The following DNM1L variants were observed in gnomAD, a reference collection of about 807,000 sequenced individuals.
DNM1L encodes the protein dynamin 1L, also known as dynamin-1-like protein.
In DNM1L, 33 loss-of-function variants were observed where a neutral mutation model predicts 92.8. That is an observed-to-expected ratio of 0.36 (90% CI 0.27 to 0.48). The LOEUF (loss-of-function observed/expected upper bound fraction) is 0.48, where lower values mean the gene tolerates loss of function less well. Ranked by LOEUF, DNM1L falls within the 20% of genes least tolerant of loss-of-function variation. The pLI is 0.99. For missense variants in DNM1L, 485 were observed against 888.8 expected, an observed-to-expected ratio of 0.55 and a Z score of 5.78; for synonymous variants, 284 against 305.0, an observed-to-expected ratio of 0.93 and a Z score of 0.72.
At position 32,738,309 on chromosome 12, in the gene DNM1L, C is replaced by T; in HGVS notation, c.1707+13C>T. The T allele has an allele frequency of 6.2e-7, 1 of 1,613,480 alleles. No homozygotes were observed. Among genetic ancestry groups the T allele is most frequent in the Admixed American group, 1.7e-5 (1 of 60,018 alleles). On this transcript the variant is annotated intron_variant, in intron 16 of 19. Transcript: ENST00000549701. ...AGAAACTAAAAATGTGAGTCTCTTG[C>T]TTCAGAATGGAAATGTTGGTACCTT...
rs80223946 is a variant in DNM1L, at chr12:32,694,373, C to T, written c.103-7042C>T. Among the ~76,000 whole-genome samples the T allele has an allele frequency of 5.7e-3, 874 of 152,296 alleles. 7 individuals are homozygous for T. The highest frequency in any genetic ancestry group is 0.019 in the African/African-American group (782 of 41,560). The stretch of plus-strand genomic sequence containing the variant: ...TGCTGGGATTACAGGCGTGAGCCAC[C>T]GCGCCCGGCCATATTTTGGACATTT... On this transcript the variant is annotated intron_variant, in intron 1 of 19. Coordinates refer to ENST00000549701, the MANE Select transcript of DNM1L (RefSeq NM_012062.5).
chr12:32,726,191 A>C (rs981650793), intron 9 of DNM1L, among the ~76,000 whole-genome samples: 1 of 152,220 alleles, frequency 6.6e-6, no homozygotes, highest in African/African-American at 2.4e-5. Flanking sequence ...TGTGCATTCA[A>C]CATACCTGGC....
At position 32,690,342 on chromosome 12, in the gene DNM1L, A is replaced by T. The variant is rs184672180; in HGVS notation, c.102+10877A>T. 2.0e-4 allele frequency among the ~76,000 whole-genome samples: 30 copies of T among 152,280 alleles called. No individual in the cohort carries two copies. The East Asian group carries it at 3.7e-3, about 19-fold the overall frequency. On this transcript the variant is annotated intron_variant, in intron 1 of 19. Transcript: ENST00000549701. ...AGGCCCAGATTTCTGGTTTTGCCTT[A>T]AAAAAATCAGAAAATCTGATAACCC...
chr12:32,735,928 C>T (rs1346978645), intron 13 of DNM1L, among the ~76,000 whole-genome samples: 1 of 151,952 alleles, frequency 6.6e-6, no homozygotes, highest in African/African-American at 2.4e-5. Context: ...TATTTTTTTG[C>T]AAGTTGGACT....
intron 7 of DNM1L, among the ~76,000 whole-genome samples, chr12:32,720,326 A>T (rs1953747080): frequency 6.6e-6 from 1 of 152,194 alleles, no homozygotes; most frequent in Non-Finnish European, 1.5e-5. Context: ...AGATACTCTT[A>T]TATTTTTATA....
intron 5 of DNM1L, among the ~76,000 whole-genome samples, chr12:32,712,401 C>T (rs1306778571): frequency 6.6e-6 from 1 of 152,098 alleles, no homozygotes; most frequent in Non-Finnish European, 1.5e-5. Context: ...GGCTTAATTT[C>T]TGCTCATTCT....
intron 1 of DNM1L, among the ~76,000 whole-genome samples, chr12:32,699,647 C>T (rs1310746002): frequency 1.3e-5 from 2 of 151,698 alleles, no homozygotes; most frequent in Non-Finnish European, 2.9e-5. Flanking sequence ...AATACAAAAC[C>T]GCTGGGCGTG....
At chr12:32,711,370 G>A in intron 5 of DNM1L, 1 of 254,968 alleles carries the variant, frequency 3.9e-6, no homozygotes, top group Non-Finnish European at 7.7e-6. Flanking sequence ...AACTACGTAA[G>A]GCTCTGTATA....
At chr12:32,725,536 T>C (rs1954074479) in intron 9 of DNM1L, 2 of 152,222 alleles carry the variant, frequency 1.3e-5, no homozygotes, top group Non-Finnish European at 2.9e-5. Flanking sequence ...AATAATCCAT[T>C]AACAATCTAA....
intron 9 of DNM1L, among the ~76,000 whole-genome samples, chr12:32,723,554 C>T (rs1431730567): frequency 6.6e-6 from 1 of 151,634 alleles, no homozygotes; most frequent in African/African-American, 2.4e-5. Context: ...ACTAGCCGGG[C>T]GTGGTGGTGG....
intron 2 of DNM1L, among the ~76,000 whole-genome samples, chr12:32,705,011 T>G (rs138758084): frequency 0.012 from 1,783 of 150,736 alleles, 33 homozygotes; most frequent in African/African-American, 0.042. Context: ...TTTTTTTTTT[T>G]TTTTTTTTTT....
At position 32,737,998 on chromosome 12, in the gene DNM1L, T is replaced by C. The variant is rs533044735; in HGVS notation, c.1674+56T>C. 3 of 1,559,450 alleles carry C rather than the reference T, an allele frequency of 1.9e-6. No homozygotes were observed. The South Asian group carries it at 3.3e-5, about 17-fold the overall frequency. On this transcript the variant is annotated intron_variant, in intron 15 of 19. Coordinates refer to ENST00000549701, the MANE Select transcript of DNM1L (RefSeq NM_012062.5). The stretch of plus-strand genomic sequence containing the variant: ...TGCCTTGTTCTCTGGTACAACATAA[T>C]CTTCTGGAAACAATACACTGAATAG...
chr12:32,718,619 CT>C (rs1266204897), intron 6 of DNM1L, 23 bp from the exon 7 acceptor site: 29 of 1,612,666 alleles, frequency 1.8e-5, no homozygotes, highest in Non-Finnish European at 2.4e-5. Flanking sequence ...TTTCTTTGCC[CT>C]TTTTTCTTTT....
chr12:32,698,060 G>A (rs547135533), intron 1 of DNM1L, among the ~76,000 whole-genome samples: 4 of 151,948 alleles, frequency 2.6e-5, no homozygotes, highest in Non-Finnish European at 5.9e-5. Flanking sequence ...AATTATTTCA[G>A]AGTACAGTAT....
chr12:32,717,950 G>GTATATATAGTATATATAT lies in DNM1L; in HGVS notation c.620-675_620-658dup, dbSNP rs1248127661. On this transcript the variant is annotated intron_variant, in intron 6 of 19. Transcript: ENST00000549701. ...ATATTTTATATATATATAAAATATA[G>GTATATATAGTATATATAT]TATATATAGTATATATATTATATAT... Among the ~76,000 whole-genome samples, 500 of 84,522 alleles carry GTATATATAGTATATATAT rather than the reference G, an allele frequency of 5.9e-3. 5 individuals carry two copies. The highest frequency in any genetic ancestry group is 7.3e-3 in the Non-Finnish European group (341 of 46,848). 55.4% of individuals were successfully genotyped at this position (84,522 alleles called of 152,430 possible). A position where few individuals can be genotyped will look rare whatever the true frequency, so the allele number is the denominator to read the frequency against.
intron 8 of DNM1L, among the ~76,000 whole-genome samples, chr12:32,721,547 T>C (rs1048696001): frequency 6.6e-6 from 1 of 152,228 alleles, no homozygotes; most frequent in Non-Finnish European, 1.5e-5. Context: ...ATTGTTTTTT[T>C]CCTTTTCACA....
chr12:32,679,651 G>A (rs979489732), intron 1 of DNM1L, 186 bp downstream of exon 1: 14 of 1,307,010 alleles, frequency 1.1e-5, no homozygotes, highest in Admixed American at 4.1e-5. Context: ...CCGGGGCAGC[G>A]TTGCATCAAG....
chr12:32,742,886 ATCT>A, intron 19 of DNM1L, 138 bp downstream of exon 19: 55 of 606,194 alleles, frequency 9.1e-5, no homozygotes, highest in Non-Finnish European at 1.1e-4. Context: ...CTTGATAAGA[ATCT>A]TTTTTTTTTT....
chr12:32,729,820 C>T (rs1196321115), intron 9 of DNM1L, among the ~76,000 whole-genome samples: 1 of 152,090 alleles, frequency 6.6e-6, no homozygotes, highest in Non-Finnish European at 1.5e-5. Context: ...TTGAATCATT[C>T]AGTATTTGTC....
Sources: allele counts gnomAD v4.1 joint callset (sites outside exome capture counted in the v4.1 genomes callset), GRCh38; gene constraint gnomAD v4.1.1; transcripts MANE v1.5; gene names NCBI Gene and HGNC (gene_info 2026-07-23, HGNC 2026-07-21).